The following ZNF365 variants were observed in gnomAD, a reference collection of about 807,000 sequenced individuals.
ZNF365 encodes zinc finger protein 365.
ZNF365 carries 22 observed loss-of-function variants against 35.0 expected under a neutral mutation model. The ratio of observed to expected loss-of-function variants is 0.63; its 90% confidence interval spans 0.45 to 0.90. The LOEUF (loss-of-function observed/expected upper bound fraction) is 0.90. Ranked by LOEUF, ZNF365 falls within the 40% of genes least tolerant of loss-of-function variation. The probability of loss-of-function intolerance (pLI) is 0.00; values close to 1 mark genes in which losing one functional copy is unlikely to be tolerated. For synonymous variants in ZNF365, 188 were observed against 196.2 expected (o/e 0.96, Z 0.35); for missense variants, 448 against 500.3 (o/e 0.90, Z 1.00).
intron 3 of ZNF365, among the ~76,000 whole-genome samples, chr10:62,416,348 G>A (rs904540188): frequency 2.0e-5 from 3 of 152,064 alleles, no homozygotes; most frequent in Non-Finnish European, 4.4e-5. Flanking sequence ...CCAAGTTAAT[G>A]TTCTCCTAAC....
At chr10:62,427,362 C>T (rs1428109247) in intron 3 of ZNF365, among the ~76,000 whole-genome samples, 7 of 152,170 alleles carry the variant, frequency 4.6e-5, no homozygotes, top group Admixed American at 1.3e-4. Context: ...AGTATAGTAA[C>T]ATGCTGTACA....
At chr10:62,409,248 AG>A (rs1839950309) in intron 3 of ZNF365, among the ~76,000 whole-genome samples, 1 of 152,098 alleles carries the variant, frequency 6.6e-6, no homozygotes, top group South Asian at 2.1e-4. Flanking sequence ...CAGTTGCCTG[AG>A]GTATTGGCAA....
chr10:62,408,848 T>A (rs1839942992), intron 3 of ZNF365, among the ~76,000 whole-genome samples: 1 of 152,202 alleles, frequency 6.6e-6, no homozygotes, highest in Admixed American at 6.5e-5. Context: ...GTTTTGTACC[T>A]TCATGCAATT....
chr10:62,441,623 C>G (rs1002487780), intron 3 of ZNF365, among the ~76,000 whole-genome samples: 5 of 152,042 alleles, frequency 3.3e-5, no homozygotes, highest in Admixed American at 3.3e-4. Context: ...CAGTCATCAG[C>G]CAAAGTTGGG....
At chr10:62,428,135 A>G (rs1454021241) in intron 3 of ZNF365, among the ~76,000 whole-genome samples, 1 of 152,110 alleles carries the variant, frequency 6.6e-6, no homozygotes, top group Non-Finnish European at 1.5e-5. Flanking sequence ...ATATTATGAT[A>G]TTTACCTTAG....
At chr10:62,393,773 A>C (rs10821989) in intron 3 of ZNF365, among the ~76,000 whole-genome samples, 71,776 of 152,098 alleles carry the variant, frequency 0.47, 19,936 homozygotes, top group East Asian at 0.71. Context: ...TGACTAATTC[A>C]AATAAAGTAC....
At chr10:62,456,925 A>T (rs1840770693) in intron 3 of ZNF365, among the ~76,000 whole-genome samples, 1 of 152,172 alleles carries the variant, frequency 6.6e-6, no homozygotes, top group Non-Finnish European at 1.5e-5. Flanking sequence ...CTGAGGTCAG[A>T]TGATCTAGAT....
chr10:62,432,984 A>G (rs1840356274), intron 3 of ZNF365, among the ~76,000 whole-genome samples: 1 of 152,172 alleles, frequency 6.6e-6, no homozygotes, highest in Non-Finnish European at 1.5e-5. Flanking sequence ...AGATTTAACA[A>G]ACTTAAGGAT....
At chr10:62,439,479 G>T (rs545897530) in intron 3 of ZNF365, among the ~76,000 whole-genome samples, 2 of 152,082 alleles carry the variant, frequency 1.3e-5, no homozygotes, top group African/African-American at 4.8e-5. Context: ...GCTCGGTTTA[G>T]CCAATGAAGC....
chr10:62,476,727 T>G (rs373659435), intron 4 of ZNF365, among the ~76,000 whole-genome samples: 19 of 152,246 alleles, frequency 1.2e-4, no homozygotes, highest in Non-Finnish European at 2.4e-4. Context: ...TGAAGTGTTC[T>G]AAGAGCTTGA....
At chr10:62,448,003 C>T (rs933120128) in intron 3 of ZNF365, among the ~76,000 whole-genome samples, 1 of 152,128 alleles carries the variant, frequency 6.6e-6, no homozygotes, top group Non-Finnish European at 1.5e-5. Flanking sequence ...CGTGAACACC[C>T]GCCACCCAAA....
At chr10:62,452,508 C>G (rs1840698878) in intron 3 of ZNF365, among the ~76,000 whole-genome samples, 1 of 152,226 alleles carries the variant, frequency 6.6e-6, no homozygotes, top group African/African-American at 2.4e-5. Context: ...GTGGAGTACA[C>G]AGCAGTCTCT....
intron 3 of ZNF365, among the ~76,000 whole-genome samples, chr10:62,422,986 G>A (rs1268317090): frequency 6.6e-6 from 1 of 152,166 alleles, no homozygotes; most frequent in Non-Finnish European, 1.5e-5. Flanking sequence ...GTCTGAGGAA[G>A]GAAATATTTG....
chr10:62,468,472 A>T (rs548209684), intron 4 of ZNF365, among the ~76,000 whole-genome samples: 2 of 152,348 alleles, frequency 1.3e-5, no homozygotes, highest in Non-Finnish European at 2.9e-5. Context: ...AAGCTTAGAC[A>T]TAAGTTTGTA....
At chr10:62,413,326 C>T (rs1840018783) in intron 3 of ZNF365, among the ~76,000 whole-genome samples, 1 of 152,048 alleles carries the variant, frequency 6.6e-6, no homozygotes, top group Non-Finnish European at 1.5e-5. Context: ...AGCATTACGA[C>T]AATGAAAATG....
Position 62,399,764 on chromosome 10 carries a change from C to A in ZNF365, c.1199C>A (p.Pro400Gln). 6.2e-7 allele frequency: 1 copy of A among 1,613,528 alleles called. No individual in the cohort carries two copies. Among genetic ancestry groups the A allele is most frequent in the Middle Eastern group, 1.7e-4 (1 of 5,774 alleles). Residue 400 changes from proline to glutamine, a missense_variant, in exon 5 of 5, where the codon CCA (proline) becomes CAA (glutamine). Pro to Gln is a moderately conservative substitution (Grantham distance 76, BLOSUM62 -1). Coordinates refer to ENST00000395254, the MANE Select transcript of ZNF365 (RefSeq NM_014951.3). ...NIRPKMAKKK[P>Q]TAIVNII is the part of the protein sequence containing the mutation. ...AGGCCCAAAATGGCTAAAAAAAAGC[C>A]AACAGCCATTGTGAACATCATCTAA... is the stretch of plus-strand genomic sequence containing the variant.
intron 3 of ZNF365, 72 bp from the exon 4 acceptor site, chr10:62,398,668 T>A: frequency 7.0e-7 from 1 of 1,427,612 alleles, no homozygotes; most frequent in South Asian, 1.2e-5. Flanking sequence ...TTAGAAAGTA[T>A]AAGAAATATT....
chr10:62,417,663 GTC>G (rs201439702), intron 3 of ZNF365, among the ~76,000 whole-genome samples: 34 of 88,128 alleles, frequency 3.9e-4, no homozygotes, highest in Non-Finnish European at 6.1e-4. Context: ...TTAATCTCCT[GTC>G]TTTTTTTTTT....
chr10:62,395,579 A>T (rs1839712302), intron 3 of ZNF365, among the ~76,000 whole-genome samples: 1 of 144,146 alleles, frequency 6.9e-6, no homozygotes, highest in South Asian at 2.2e-4. Context: ...CTGGTCTCGA[A>T]CTCCTGACTT....
Sources: allele counts gnomAD v4.1 joint callset (sites outside exome capture counted in the v4.1 genomes callset), GRCh38; gene constraint gnomAD v4.1.1; transcripts MANE v1.5; gene names NCBI Gene and HGNC (gene_info 2026-07-23, HGNC 2026-07-21).